GPRIN1: variants seen among roughly 807,000 people sequenced by gnomAD.
The protein encoded by GPRIN1 is G protein-regulated inducer of neurite outgrowth 1.
A neutral mutation model predicts 2.8 loss-of-function variants in GPRIN1; 4 were observed. The ratio of observed to expected loss-of-function variants is 1.45; its 90% CI spans 0.71 to 3.32. GPRIN1 has a LOEUF of 3.32. Ranked by LOEUF, GPRIN1 falls within the 30% of genes most tolerant of loss-of-function variation. The pLI is 0.01. For missense variants in GPRIN1, 1,322 were observed against 1,343.4 expected (o/e 0.98, Z 0.25); for synonymous variants, 589 against 589.9 (o/e 1.00, Z 0.02).
Position 176,597,630 on chromosome 5 carries a change from G to A in GPRIN1, c.2205C>T (p.Ala735=), listed in dbSNP as rs1759067746. 3.1e-6 allele frequency: 5 copies of A among 1,601,020 alleles called. No homozygotes were observed. The South Asian group carries it at 4.4e-5, about 14-fold the overall frequency. ...RQLDRKALGS[A]RSPEGARGSE... ...TGCCCCTGGCACCCTCGGGAGACCGGGCTGAGCCGAGGGCTTTGCGGTCTA... is the reference window on the plus strand; with the variant it reads ...TGCCCCTGGCACCCTCGGGAGACCGAGCTGAGCCGAGGGCTTTGCGGTCTA... Residue 735 remains alanine (A), a synonymous_variant, in exon 2 of 2, where the codon GCC becomes GCT. Transcript: ENST00000303991. This position sits in a 1 kb window ranked among gnomAD's most constrained non-coding sequence, Gnocchi z 6.1.
chr5:176,602,715 G>C lies in GPRIN1; in HGVS notation c.-43-2838C>G, dbSNP rs1356122612. 6.6e-6 allele frequency among the ~76,000 whole-genome samples: 1 copy of C among 152,158 alleles called. No individual in the cohort carries two copies. Among genetic ancestry groups the C allele is most frequent in the Non-Finnish European group, 1.5e-5 (1 of 68,030 alleles). On this transcript the variant is annotated intron_variant, in intron 1 of 1. Transcript: ENST00000303991. This position sits in a 1 kb window ranked among gnomAD's most constrained non-coding sequence, Gnocchi z 4.4. The stretch of plus-strand genomic sequence containing the variant: ...ACCTGGGGTCCTGAAGATGGTCCTG[G>C]GGTACACAAGGGCATGGCTAGTGAT...
At position 176,602,545 on chromosome 5, in the gene GPRIN1, T is replaced by C. The variant is rs1330975674; in HGVS notation, c.-43-2668A>G. ...GATGCAGAGCCACCTGTGCCCTCCTTGGCTCAAAACCCTCCTCATTCTTGC... is the reference window on the plus strand; with the variant it reads ...GATGCAGAGCCACCTGTGCCCTCCTCGGCTCAAAACCCTCCTCATTCTTGC... On this transcript the variant is annotated intron_variant, in intron 1 of 1. Transcript: ENST00000303991. This position sits in a 1 kb window ranked among gnomAD's most constrained non-coding sequence, Gnocchi z 4.4. Among the ~76,000 whole-genome samples the C allele has an allele frequency of 6.6e-6, 1 of 152,204 alleles. No individual in the cohort carries two copies. Among genetic ancestry groups the C allele is most frequent in the Admixed American group, 6.5e-5 (1 of 15,286 alleles).
At position 176,598,294 on chromosome 5, in the gene GPRIN1, G is replaced by A. The variant is rs768809110; in HGVS notation, c.1541C>T (p.Ala514Val). ...GPPSAVKAEP[A>V]TGGKGDPLSS... ...CAGGGGATCTCCTTTTCCCCCCGTC[G>A]CTGGCTCAGCCTTTACTGCAGATGG... is the stretch of plus-strand genomic sequence containing the variant. The change falls in exon 2 of 2, where the codon GCG becomes GTG. Residue 514 changes from alanine to valine, a missense_variant. Around this residue, in one of 3 missense-constraint regions of GPRIN1, gnomAD observed 1,117 missense variants for 1,128.6 expected, o/e 0.99. Transcript: ENST00000303991. 3.7e-6 allele frequency: 6 copies of A among 1,613,666 alleles called. No individual in the cohort carries two copies. The highest frequency in any genetic ancestry group is 4.5e-5 in the East Asian group (2 of 44,874).
In GPRIN1 at chr5:176,597,572, C is replaced by T. The variant is rs1403346394; in HGVS notation, c.2263G>A (p.Val755Met). 5 of 1,587,806 alleles carry T rather than the reference C, an allele frequency of 3.1e-6. No individual in the cohort carries two copies. Among genetic ancestry groups the T allele is most frequent in the Admixed American group, 1.7e-5 (1 of 57,996 alleles). The change falls in exon 2 of 2, where the codon GTG becomes ATG. Residue 755 changes from valine to methionine, a missense_variant. Physicochemically the swap from Val to Met is conservative, Grantham distance 21. Around this residue, in one of 3 missense-constraint regions of GPRIN1, gnomAD observed 1,117 missense variants for 1,128.6 expected, o/e 0.99. Transcript: ENST00000303991. This position sits in a 1 kb window ranked among gnomAD's most constrained non-coding sequence, Gnocchi z 6.1. ...AGACTGGAGGCCTCGGTGCTGGACA[C>T]GGGCTCGGCCTTCGGCTCCACGCGG... ...EGRVEPKAEP[V>M]SSTEASSLGQ...
chr5:176,609,782 C>A (rs1460696154), intron 1 of GPRIN1, among the ~76,000 whole-genome samples: 1 of 140,526 alleles, frequency 7.1e-6, no homozygotes, highest in Non-Finnish European at 1.6e-5. Flanking sequence ...GCCCCCGCCC[C>A]GCCCCGCCCC....
At chr5:176,606,603 T>TC (rs1453496280) in intron 1 of GPRIN1, among the ~76,000 whole-genome samples, 2 of 151,808 alleles carry the variant, frequency 1.3e-5, no homozygotes, top group Admixed American at 1.3e-4. Context: ...TCAGCCACAA[T>TC]CCCCCCTCTT....
chr5:176,599,534 G>A lies in GPRIN1; in HGVS notation c.301C>T (p.Pro101Ser). The A allele has an allele frequency of 6.3e-7, 1 of 1,599,874 alleles. No homozygotes were observed. The highest frequency in any genetic ancestry group is 8.5e-7 in the Non-Finnish European group (1 of 1,172,314). ...GTCTCCTTGGAGGGTGACTCCTGGG[G>A]AGAGAAGCAGGTTGGGGAGGGGCAG... ...LACPSPTCFS[P>S]QESPSKETLE... The change falls in exon 2 of 2, where the codon CCC becomes TCC. Residue 101 changes from proline (P) to serine (S), a missense_variant. By Grantham distance (74) the Pro-to-Ser change is moderately conservative. Coordinates refer to ENST00000303991, the MANE Select transcript of GPRIN1 (RefSeq NM_052899.3).
chr5:176,599,568 C>G lies in GPRIN1; in HGVS notation c.267G>C (p.Gly89=), dbSNP rs952075385. 6.4e-7 allele frequency: 1 copy of G among 1,570,246 alleles called. No homozygotes were observed. Among genetic ancestry groups the G allele is most frequent in the Non-Finnish European group, 8.6e-7 (1 of 1,160,516 alleles). The change falls in exon 2 of 2, where the codon GGG becomes GGC. Residue 89 remains glycine, a synonymous_variant. Coordinates refer to ENST00000303991, the MANE Select transcript of GPRIN1 (RefSeq NM_052899.3). ...AGGTTGGGGAGGGGCAGGCCAGGCT[C>G]CCTCTGGGGCCGTCAGAGCAGGAGG... The part of the protein sequence containing the change: ...EGASCSDGPR[G]SLACPSPTCF...
At chr5:176,608,221 GA>G (rs1457001150) in intron 1 of GPRIN1, among the ~76,000 whole-genome samples, 2 of 152,126 alleles carry the variant, frequency 1.3e-5, no homozygotes, top group African/African-American at 4.8e-5. Flanking sequence ...CACCTGGCCT[GA>G]CACTTGGTTC....
chr5:176,596,802 G>A lies in GPRIN1; in HGVS notation c.*6C>T. On this transcript the variant is annotated 3_prime_UTR_variant, in exon 2 of 2. Transcript: ENST00000303991. This position sits in a 1 kb window ranked among gnomAD's most constrained non-coding sequence, Gnocchi z 5.2. ...CGGAAACTCGGGCGTACAAAATGGG[G>A]GCAGATCACTCGGCCGTGGGTCCCG... 1 of 1,430,524 alleles carries A rather than the reference G, an allele frequency of 7.0e-7. No individual in the cohort carries two copies. Among genetic ancestry groups the A allele is most frequent in the Non-Finnish European group, 9.2e-7 (1 of 1,092,390 alleles). The allele number at this position is 1,430,524 out of a possible 1,614,324, so 88.6% of individuals were successfully genotyped here.
rs774632189 is a variant in GPRIN1, at chr5:176,597,560, C to T, written c.2275G>A (p.Glu759Lys). The change falls in exon 2 of 2, where the codon GAG becomes AAG. Residue 759 changes from glutamate to lysine, a missense_variant. Transcript: ENST00000303991. This position sits in a 1 kb window ranked among gnomAD's most constrained non-coding sequence, Gnocchi z 6.1. ...TCTTTCTGGCCGAGACTGGAGGCCTCGGTGCTGGACACGGGCTCGGCCTTC... is the reference window on the plus strand; with the variant it reads ...TCTTTCTGGCCGAGACTGGAGGCCTTGGTGCTGGACACGGGCTCGGCCTTC... The part of the protein sequence containing the change: ...EPKAEPVSST[E>K]ASSLGQKDLE... 1.1e-5 allele frequency: 17 copies of T among 1,572,178 alleles called. No homozygotes were observed. Among genetic ancestry groups the T allele is most frequent in the Admixed American group, 1.8e-5 (1 of 55,646 alleles).
chr5:176,607,418 A>G (rs1220105726), intron 1 of GPRIN1, among the ~76,000 whole-genome samples: 1 of 152,146 alleles, frequency 6.6e-6, no homozygotes, highest in Admixed American at 6.5e-5. Flanking sequence ...ATCTCGGCTC[A>G]CTGCAATCTC....
In GPRIN1 at chr5:176,602,324, G is replaced by A. The variant is rs1759159885; in HGVS notation, c.-43-2447C>T. Among the ~76,000 whole-genome samples, 1 of 152,158 alleles carries A rather than the reference G, an allele frequency of 6.6e-6. No homozygotes were observed. Among genetic ancestry groups the A allele is most frequent in the Admixed American group, 6.5e-5 (1 of 15,272 alleles). On this transcript the variant is annotated intron_variant, in intron 1 of 1. Coordinates refer to ENST00000303991, the MANE Select transcript of GPRIN1 (RefSeq NM_052899.3). This position sits in a 1 kb window ranked among gnomAD's most constrained non-coding sequence, Gnocchi z 4.4. ...TTATTCTAATCAGTTTTCCTCCATA[G>A]TACCTGTCACCATCTGACATATCAC...
At chr5:176,607,004 A>T (rs141857352) in intron 1 of GPRIN1, among the ~76,000 whole-genome samples, 2 of 152,342 alleles carry the variant, frequency 1.3e-5, no homozygotes, top group Non-Finnish European at 2.9e-5. Flanking sequence ...TCAGGGAGGT[A>T]GAAAGATGTG....
rs1349054742 is a variant in GPRIN1, at chr5:176,610,126, G to T, written c.-171C>A. 2.0e-5 allele frequency: 3 copies of T among 149,344 alleles called. No homozygotes were observed. The highest frequency in any genetic ancestry group is 4.9e-5 in the African/African-American group (2 of 40,820). 9.3% of individuals were successfully genotyped at this position (149,344 alleles called of 1,614,324 possible). ...CGGGAGGACCCGCAGACTCGGCGCCGCCGTCCCCAGCGCCGGCTCCGCGCT... is the reference window on the plus strand; with the variant it reads ...CGGGAGGACCCGCAGACTCGGCGCCTCCGTCCCCAGCGCCGGCTCCGCGCT... On this transcript the variant is annotated 5_prime_UTR_variant, in exon 1 of 2. Coordinates refer to ENST00000303991, the MANE Select transcript of GPRIN1 (RefSeq NM_052899.3).
At position 176,597,147 on chromosome 5, in the gene GPRIN1, C is replaced by G; in HGVS notation, c.2688G>C (p.Ala896=). 1 of 1,433,446 alleles carries G rather than the reference C, an allele frequency of 7.0e-7. No homozygotes were observed. The highest frequency in any genetic ancestry group is 9.2e-7 in the Non-Finnish European group (1 of 1,089,702). 88.8% of individuals were successfully genotyped at this position (1,433,446 alleles called of 1,614,324 possible). ...CCGGGGGCGCTACAGCGGCCGCCAG[C>G]GCTGAGCCGGGCCGCACCCGCACTT... ...FPEVRVRPGS[A]LAAAVAPPEP... The change falls in exon 2 of 2, where the codon GCG becomes GCC. Residue 896 remains alanine, a synonymous_variant. Coordinates refer to ENST00000303991, the MANE Select transcript of GPRIN1 (RefSeq NM_052899.3). The surrounding 1 kb of genome is among the most constrained non-coding windows in gnomAD (Gnocchi z 6.1).
At position 176,597,332 on chromosome 5, in the gene GPRIN1, C is replaced by G. The variant is rs1283355353; in HGVS notation, c.2503G>C (p.Ala835Pro). Residue 835 changes from alanine (A) to proline (P), a missense_variant, in exon 2 of 2, where the codon GCT becomes CCT. Physicochemically the swap from Ala to Pro is conservative, Grantham distance 27. Coordinates refer to ENST00000303991, the MANE Select transcript of GPRIN1 (RefSeq NM_052899.3). This position sits in a 1 kb window ranked among gnomAD's most constrained non-coding sequence, Gnocchi z 6.1. ...AVSPMSPQDG[A>P]GGSAFSFQAA... The stretch of plus-strand genomic sequence containing the variant: ...TGGAAGCTGAAGGCCGAGCCCCCAG[C>G]GCCGTCCTGCGGAGACATGGGGCTC... 3.2e-6 allele frequency: 4 copies of G among 1,243,616 alleles called. No individual in the cohort carries two copies. The highest frequency in any genetic ancestry group is 4.0e-6 in the Non-Finnish European group (4 of 995,950). 77.0% of individuals were successfully genotyped at this position (1,243,616 alleles called of 1,614,324 possible).
chr5:176,605,027 C>G (rs1759203489), intron 1 of GPRIN1, among the ~76,000 whole-genome samples: 1 of 151,934 alleles, frequency 6.6e-6, no homozygotes, highest in African/African-American at 2.4e-5. Context: ...GCTACCGCGC[C>G]CAGCATGGAT....
At chr5:176,605,479 C>T (rs544096823) in intron 1 of GPRIN1, among the ~76,000 whole-genome samples, 2 of 152,078 alleles carry the variant, frequency 1.3e-5, no homozygotes, top group Non-Finnish European at 2.9e-5. Flanking sequence ...TGGAAAAGGA[C>T]GTTATAAGCC....
Sources: gnomAD v4.1 joint callset for allele counts (sites outside exome capture counted in the v4.1 genomes callset) on GRCh38, gnomAD v4.1.1 for gene constraint, gnomAD v4.1.1 regional missense constraint, Gnocchi (gnomAD v3.1) non-coding constraint, MANE v1.5 for transcripts, NCBI Gene and HGNC (gene_info 2026-07-23, HGNC 2026-07-21) for gene names.